Variants in ZNF729 observed in about 807,000 individuals in gnomAD.
ZNF729 encodes the protein zinc finger protein 729.
In ZNF729, 15 loss-of-function variants were observed where a neutral mutation model predicts 12.2. The ratio of observed to expected loss-of-function variants is 1.23; its 90% CI spans 0.82 to 1.89. The LOEUF is 1.89. ZNF729 is among the 40% of genes most tolerant of loss of function. The pLI is 0.00. For missense variants in ZNF729, 1,540 were observed against 1,456.7 expected (o/e 1.06, Z -0.93); for synonymous variants, 492 against 476.3 (o/e 1.03, Z -0.43).
In ZNF729 at chr19:22,286,558, G is replaced by A. The variant is rs752097082; in HGVS notation, c.30+3G>A. On this transcript the variant is annotated splice_donor_region_variant and intron_variant, in intron 1 of 3. Transcript: ENST00000601693. Reference sequence around the variant, plus strand: ...GTGCCCCTGGCAGCCTAGAAATGGTGAGAGTGCCGGGTCCGACATCCCGAG... The same window carrying A: ...GTGCCCCTGGCAGCCTAGAAATGGTAAGAGTGCCGGGTCCGACATCCCGAG... 1 of 1,613,922 alleles carries A rather than the reference G, an allele frequency of 6.2e-7. No homozygotes were observed. Among genetic ancestry groups the A allele is most frequent in the Non-Finnish European group, 8.5e-7 (1 of 1,179,980 alleles).
rs1327567381 is a variant in ZNF729 at position 22,286,450 on chromosome 19, G to T, written c.-76G>T. On this transcript the variant is annotated 5_prime_UTR_variant, in exon 1 of 4. Transcript: ENST00000601693. ...GTTTCTGGTTGCAGCCGCAGTTCCC[G>T]GTCTCGCCTTCACTGCTGTGTGTCC... 3 of 1,584,020 alleles carry T rather than the reference G, an allele frequency of 1.9e-6. No individual in the cohort carries two copies. Among genetic ancestry groups the T allele is most frequent in the Admixed American group, 1.7e-5 (1 of 57,912 alleles).
chr19:22,296,688 T>C (rs932357170), intron 1 of ZNF729, among the ~76,000 whole-genome samples: 2 of 152,290 alleles, frequency 1.3e-5, no homozygotes, highest in Middle Eastern at 3.4e-3. Context: ...CGTTCTTTTA[T>C]TTATGATGTT....
intron 1 of ZNF729, among the ~76,000 whole-genome samples, chr19:22,297,774 C>T (rs373915720): frequency 1.3e-4 from 19 of 151,576 alleles, no homozygotes; most frequent in Admixed American, 2.0e-4. Context: ...GAGGCCGAGG[C>T]GGGCGGATCA....
intron 3 of ZNF729, 95 bp from the exon 4 acceptor site, chr19:22,313,576 C>A: frequency 8.6e-7 from 1 of 1,158,838 alleles, no homozygotes; most frequent in Non-Finnish European, 1.1e-6. Context: ...GCTGTGCCAT[C>A]TTATGTGGTT....
At position 22,303,889 on chromosome 19, in the gene ZNF729, G is replaced by C; in HGVS notation, c.157+5G>C. The C allele has an allele frequency of 1.3e-6, 2 of 1,562,026 alleles. No individual in the cohort carries two copies. The highest frequency in any genetic ancestry group is 1.1e-5 in the South Asian group (1 of 89,636). On this transcript the variant is annotated splice_donor_5th_base_variant and intron_variant, in intron 2 of 3. Coordinates refer to ENST00000601693, the MANE Select transcript of ZNF729 (RefSeq NM_001242680.2). ...ACAGAAACCTGGTCTTCCTGGGTGA[G>C]GATAATTTTAATTAAGCAATTCCTA...
chr19:22,292,820 G>T lies in ZNF729; in HGVS notation c.30+6265G>T, dbSNP rs1091182. Among the ~76,000 whole-genome samples, 49 of 152,072 alleles carry T rather than the reference G, an allele frequency of 3.2e-4. 1 individual carries two copies. Among genetic ancestry groups the T allele is most frequent in the African/African-American group, 8.2e-4 (34 of 41,504 alleles). Reference sequence around the variant, plus strand: ...TGTCTTTGCTATTGTGAATAGTGCCGCAATGAACATGTATGTGCAGGTGTC... The same window carrying T: ...TGTCTTTGCTATTGTGAATAGTGCCTCAATGAACATGTATGTGCAGGTGTC... On this transcript the variant is annotated intron_variant, in intron 1 of 3. Coordinates refer to ENST00000601693, the MANE Select transcript of ZNF729 (RefSeq NM_001242680.2).
intron 1 of ZNF729, among the ~76,000 whole-genome samples, chr19:22,300,281 A>C (rs532489119): frequency 6.6e-6 from 1 of 152,184 alleles, no homozygotes; most frequent in African/African-American, 2.4e-5. Flanking sequence ...ACATTTTTCT[A>C]CTTGTGAACT....
chr19:22,308,681 TTGTC>T (rs1423595274), intron 3 of ZNF729, among the ~76,000 whole-genome samples: 1 of 152,146 alleles, frequency 6.6e-6, no homozygotes, highest in East Asian at 1.9e-4. Flanking sequence ...CTGTTGAAAA[TTGTC>T]TATTCATGTC....
At chr19:22,309,845 G>T (rs1284674223) in intron 3 of ZNF729, among the ~76,000 whole-genome samples, 1 of 151,996 alleles carries the variant, frequency 6.6e-6, no homozygotes, top group Non-Finnish European at 1.5e-5. Flanking sequence ...ATGAGCATGG[G>T]CTGTGTTTCC....
In ZNF729 at chr19:22,316,781, CAT is replaced by C. The variant is rs774405079; in HGVS notation, c.3366_3367del (p.His1122GlnfsTer13). ...TAACAATTCCTCAACCCTTACGAAACATAAGATAATTCATACTGGGGAGAAAC... is the reference window on the plus strand; with the variant it reads ...TAACAATTCCTCAACCCTTACGAAACAAGATAATTCATACTGGGGAGAAAC... The part of the protein sequence containing the change: ...AFNNSSTLTK[H>X]KIIHTGEKPY... On this transcript the variant is annotated frameshift_variant, in exon 4 of 4. Transcript: ENST00000601693. LOFTEE classifies it low-confidence loss of function (END_TRUNC). 8 of 1,613,092 alleles carry C rather than the reference CAT, an allele frequency of 5.0e-6. No individual in the cohort carries two copies. The highest frequency in any genetic ancestry group is 6.8e-6 in the Non-Finnish European group (8 of 1,179,904).
At chr19:22,306,085 G>A (rs1968373949) in intron 3 of ZNF729, among the ~76,000 whole-genome samples, 2 of 151,982 alleles carry the variant, frequency 1.3e-5, no homozygotes, top group African/African-American at 4.8e-5. Flanking sequence ...CAAAGTCCTG[G>A]AATTACATTT....
intron 1 of ZNF729, among the ~76,000 whole-genome samples, chr19:22,295,029 C>T (rs1348880331): frequency 7.8e-6 from 1 of 128,740 alleles, no homozygotes. Context: ...TAGGTGTACT[C>T]CTAGATATTT....
intron 1 of ZNF729, among the ~76,000 whole-genome samples, chr19:22,289,534 A>G (rs2145038952): frequency 6.6e-6 from 1 of 152,082 alleles, no homozygotes; most frequent in Non-Finnish European, 1.5e-5. Context: ...AAAAATTTGT[A>G]TTTACCCTTT....
chr19:22,289,324 C>G (rs1568569738), intron 1 of ZNF729, among the ~76,000 whole-genome samples: 1 of 150,486 alleles, frequency 6.6e-6, no homozygotes, highest in Non-Finnish European at 1.5e-5. Context: ...CTCCCAGGTT[C>G]AAGTGATTCT....
At chr19:22,290,481 G>C (rs924638849) in intron 1 of ZNF729, among the ~76,000 whole-genome samples, 1 of 152,152 alleles carries the variant, frequency 6.6e-6, no homozygotes, top group African/African-American at 2.4e-5. Flanking sequence ...AGGCAGACAA[G>C]GGCCTTGTTT....
rs2145057648 is a variant in ZNF729 at position 22,313,701 on chromosome 19, G to T, written c.284G>T (p.Trp95Leu). 6.5e-7 allele frequency: 1 copy of T among 1,533,272 alleles called. No homozygotes were observed. Among genetic ancestry groups the T allele is most frequent in the Non-Finnish European group, 8.7e-7 (1 of 1,148,012 alleles). The allele number at this position is 1,533,272 out of a possible 1,614,324, so 95.0% of individuals were successfully genotyped here. Residue 95 changes from tryptophan (W) to leucine (L), a missense_variant, in exon 4 of 4, where the codon TGG (tryptophan) becomes TTG (leucine). Coordinates refer to ENST00000601693, the MANE Select transcript of ZNF729 (RefSeq NM_001242680.2). ...CGTTCTCATTTTACACAAGACCTTT[G>T]GCCAGATCAGAGCACAAAAGATTCT... ...VMRSHFTQDL[W>L]PDQSTKDSFQ...
intron 1 of ZNF729, among the ~76,000 whole-genome samples, chr19:22,286,849 G>A (rs1201072930): frequency 2.9e-4 from 44 of 152,218 alleles, no homozygotes; most frequent in Admixed American, 2.8e-3. Context: ...AGGGACCACG[G>A]GAGGGGCGTC....
At chr19:22,287,162 C>T (rs1441978179) in intron 1 of ZNF729, among the ~76,000 whole-genome samples, 1 of 151,522 alleles carries the variant, frequency 6.6e-6, no homozygotes, top group African/African-American at 2.4e-5. Flanking sequence ...GGAAATTTCC[C>T]GTTTATATAA....
At chr19:22,287,519 G>T (rs566447781) in intron 1 of ZNF729, among the ~76,000 whole-genome samples, 1 of 152,052 alleles carries the variant, frequency 6.6e-6, no homozygotes, top group South Asian at 2.1e-4. Context: ...CGTCCTCCTC[G>T]GCCTCCTAAA....
Sources: gnomAD v4.1 joint callset for allele counts (sites outside exome capture counted in the v4.1 genomes callset) on GRCh38, gnomAD v4.1.1 for gene constraint, MANE v1.5 for transcripts, NCBI Gene and HGNC (gene_info 2026-07-23, HGNC 2026-07-21) for gene names.